Variants in ANK3 observed in about 807,000 individuals in gnomAD.
ANK3 encodes the protein ankyrin 3, also known as ankyrin-3.
A neutral mutation model predicts 370.9 loss-of-function variants in ANK3; 57 were observed. That is an observed-to-expected ratio of 0.15 (90% CI 0.12 to 0.19). The LOEUF (loss-of-function observed/expected upper bound fraction) is 0.19. ANK3 is among the 10% of genes least tolerant of loss of function. The pLI, the probability that ANK3 is intolerant of heterozygous loss-of-function variation, is 1.00. For missense variants in ANK3, 4,439 were observed against 5,302.1 expected, an observed-to-expected ratio of 0.84 and a Z score of 5.06; for synonymous variants, 1,929 against 1,946.3, an observed-to-expected ratio of 0.99 and a Z score of 0.23.
intron 25 of ANK3, among the ~76,000 whole-genome samples, chr10:60,120,171 G>A (rs957086512): frequency 6.6e-6 from 1 of 152,094 alleles, no homozygotes; most frequent in African/African-American, 2.4e-5. Context: ...CATCTACAGT[G>A]AACTGATTTT....
chr10:60,526,425 A>G (rs2076472760), intron 2 of ANK3, among the ~76,000 whole-genome samples: 2 of 152,124 alleles, frequency 1.3e-5, no homozygotes, highest in African/African-American at 2.4e-5. Flanking sequence ...GCTTCTATAC[A>G]TTGGAGTCCC....
chr10:60,158,939 G>A (rs892311492), intron 23 of ANK3, among the ~76,000 whole-genome samples: 1 of 151,774 alleles, frequency 6.6e-6, no homozygotes, highest in Non-Finnish European at 1.5e-5. Context: ...GCTTCCCAAA[G>A]TTTTGGGATT....
chr10:60,670,788 G>C (rs2079055651), intron 1 of ANK3, among the ~76,000 whole-genome samples: 1 of 152,204 alleles, frequency 6.6e-6, no homozygotes, highest in East Asian at 1.9e-4. Flanking sequence ...AGAAGGGCAT[G>C]TGCCTAAGGT....
At chr10:60,701,626 G>GATGGGGTAAGTATGTAT (rs2079546952) in intron 1 of ANK3, among the ~76,000 whole-genome samples, 1 of 152,168 alleles carries the variant, frequency 6.6e-6, no homozygotes, top group Non-Finnish European at 1.5e-5. Context: ...AAAACAGCAA[G>GATGGGGTAAGTATGTAT]ATGGGGTAAG....
chr10:60,052,262 A>C (rs904079691), intron 42 of ANK3, among the ~76,000 whole-genome samples: 1 of 152,188 alleles, frequency 6.6e-6, no homozygotes, highest in Admixed American at 6.5e-5. Context: ...TGGGAGGCAG[A>C]GGTTGCAGTG....
intron 4 of ANK3, among the ~76,000 whole-genome samples, chr10:60,274,039 G>C (rs2098045386): frequency 1.3e-5 from 2 of 152,128 alleles, no homozygotes; most frequent in African/African-American, 4.8e-5. Context: ...GTAGTCGTGT[G>C]ATTATAGCTC....
At chr10:60,606,253 A>T (rs529713517) in intron 2 of ANK3, among the ~76,000 whole-genome samples, 1 of 152,260 alleles carries the variant, frequency 6.6e-6, no homozygotes, top group Admixed American at 6.6e-5. Context: ...ACAGTTATAA[A>T]TTTGGGTTGA....
intron 8 of ANK3, among the ~76,000 whole-genome samples, chr10:60,220,179 C>T (rs143997463): frequency 6.6e-6 from 1 of 152,078 alleles, no homozygotes; most frequent in African/African-American, 2.4e-5. Context: ...ACATTTCATA[C>T]AGACTGCAGT....
chr10:60,551,432 C>A (rs2893839), intron 2 of ANK3, among the ~76,000 whole-genome samples: 88,617 of 151,910 alleles, frequency 0.58, 26,286 homozygotes, highest in East Asian at 0.79. Flanking sequence ...ACACTGCTGA[C>A]TTTTGGGATG....
chr10:60,293,312 C>T (rs1035610365), intron 1 of ANK3, among the ~76,000 whole-genome samples: 4 of 152,120 alleles, frequency 2.6e-5, no homozygotes, highest in African/African-American at 9.7e-5. Context: ...CTCACCTTAA[C>T]ATTAAATAAT....
chr10:60,108,952 G>A lies in ANK3; in HGVS notation c.3051C>T (p.Pro1017=), dbSNP rs915933386. Reference sequence around the variant, plus strand: ...TTACCAAACGGCAGGTGATTCGAGTGGGGGCCGTACACTTGCGTGGAGGAA... The same window carrying A: ...TTACCAAACGGCAGGTGATTCGAGTAGGGGCCGTACACTTGCGTGGAGGAA... ...IIIPPRKCTA[P]TRITCRLVKR... Residue 1017 remains proline (P), a synonymous_variant, in exon 27 of 44, where the codon CCC becomes CCT. Coordinates refer to ENST00000280772, the MANE Select transcript of ANK3 (RefSeq NM_020987.5). The A allele has an allele frequency of 3.1e-6, 5 of 1,613,900 alleles. No individual in the cohort carries two copies. Among genetic ancestry groups the A allele is most frequent in the Non-Finnish European group, 4.2e-6 (5 of 1,179,966 alleles).
rs568633495 is a variant in ANK3 at position 60,456,218 on chromosome 10, G to A, written c.96+158968C>T. ...GGGAAGTAAAATGCCTGTGAGAGCCGGCAAAAAAATCCAGTCAGGAGTCAA... is the reference window on the plus strand; with the variant it reads ...GGGAAGTAAAATGCCTGTGAGAGCCAGCAAAAAAATCCAGTCAGGAGTCAA... On this transcript the variant is annotated intron_variant, in intron 2 of 43. Coordinates refer to the ANK3 transcript ENST00000373827. Among the ~76,000 whole-genome samples the A allele has an allele frequency of 4.6e-5, 7 of 152,196 alleles. No homozygotes were observed. In the East Asian group the frequency reaches 9.7e-4, roughly 21 times the overall value.
chr10:60,226,522 AC>A (rs2097155434), intron 8 of ANK3, among the ~76,000 whole-genome samples: 1 of 86,874 alleles, frequency 1.2e-5, no homozygotes, highest in African/African-American at 6.8e-5. Flanking sequence ...TAGTATATAT[AC>A]TATAGTATAT....
chr10:60,595,343 G>T (rs770542201), intron 2 of ANK3, among the ~76,000 whole-genome samples: 9 of 152,086 alleles, frequency 5.9e-5, no homozygotes, highest in Non-Finnish European at 2.9e-5. Context: ...AGAGAGTTTG[G>T]CAGGCAGGGG....
chr10:60,589,972 G>A (rs952717459), intron 2 of ANK3, among the ~76,000 whole-genome samples: 16 of 152,172 alleles, frequency 1.1e-4, no homozygotes, highest in Admixed American at 6.5e-5. Flanking sequence ...AACAGTAGGT[G>A]TAGTCTTCAA....
At position 60,249,695 on chromosome 10, in the gene ANK3, G is replaced by T. The variant is rs75354431; in HGVS notation, c.798+12164C>A. 3.3e-3 allele frequency among the ~76,000 whole-genome samples: 509 copies of T among 152,236 alleles called. 4 individuals are homozygous for T. Among genetic ancestry groups the T allele is most frequent in the African/African-American group, 0.012 (487 of 41,530 alleles). On this transcript the variant is annotated intron_variant, in intron 7 of 43. Transcript: ENST00000280772. ...GTCTGTGCCAACAGCTTTATCTGTGGGCAGCACACATGTCCTAAGGAGCTG... is the reference window on the plus strand; with the variant it reads ...GTCTGTGCCAACAGCTTTATCTGTGTGCAGCACACATGTCCTAAGGAGCTG...
chr10:60,477,665 T>C (rs2133094892), intron 2 of ANK3, among the ~76,000 whole-genome samples: 1 of 151,932 alleles, frequency 6.6e-6, no homozygotes, highest in South Asian at 2.1e-4. Context: ...GTCAAGTCAA[T>C]CTAAAATGAA....
intron 7 of ANK3, among the ~76,000 whole-genome samples, chr10:60,258,210 T>C (rs1257004332): frequency 6.6e-6 from 1 of 152,234 alleles, no homozygotes; most frequent in Non-Finnish European, 1.5e-5. Context: ...ATTCAGACAG[T>C]GTCAGTGCCA....
At chr10:60,379,172 G>A (rs146343107) in intron 1 of ANK3, among the ~76,000 whole-genome samples, 61 of 152,142 alleles carry the variant, frequency 4.0e-4, no homozygotes, top group African/African-American at 1.4e-3. Flanking sequence ...ACCCCAGTTA[G>A]GATTGCTATT....
Sources: gnomAD v4.1 joint callset for allele counts (sites outside exome capture counted in the v4.1 genomes callset) on GRCh38, gnomAD v4.1.1 for gene constraint, MANE v1.5 for transcripts, NCBI Gene and HGNC (gene_info 2026-07-23, HGNC 2026-07-21) for gene names.